VGLL3: variants seen among roughly 807,000 people sequenced by gnomAD.
VGLL3 encodes the protein vestigial like family member 3.
In VGLL3, 18 loss-of-function variants were observed where a neutral mutation model predicts 29.2. That is an observed-to-expected ratio of 0.62 (90% CI 0.43 to 0.91). The LOEUF is 0.91. VGLL3 is among the 40% of genes least tolerant of loss of function. The pLI, the probability that VGLL3 is intolerant of heterozygous loss-of-function variation, is 0.00. For missense variants in VGLL3, 440 were observed against 413.2 expected (o/e 1.06, Z -0.56); for synonymous variants, 180 against 151.8 (o/e 1.19, Z -1.36).
chr3:86,990,561 G>T (rs1575885289), intron 1 of VGLL3, 57 bp downstream of exon 1: 2 of 1,311,574 alleles, frequency 1.5e-6, no homozygotes, highest in East Asian at 2.8e-5. Context: ...GCCCCAGACC[G>T]ATACTCTCGA....
In VGLL3 at chr3:86,946,499, T is replaced by C. The variant is rs1294451029; in HGVS notation, c.*525A>G. The C allele has an allele frequency of 6.6e-6, 1 of 152,232 alleles. No individual in the cohort carries two copies. Among genetic ancestry groups the C allele is most frequent in the Non-Finnish European group, 1.5e-5 (1 of 68,106 alleles). The allele number at this position is 152,232 out of a possible 1,614,324, so 9.4% of individuals were successfully genotyped here. A position where few individuals can be genotyped will look rare whatever the true frequency, so the allele number is the denominator to read the frequency against. ...ATCTTAGAGATAAGCATTTTAAACATTTTTGCCAGTGCTTCTCTGAGAGCA... is the reference window on the plus strand; with the variant it reads ...ATCTTAGAGATAAGCATTTTAAACACTTTTGCCAGTGCTTCTCTGAGAGCA... On this transcript the variant is annotated 3_prime_UTR_variant, in exon 4 of 4. Transcript: ENST00000398399.
Position 86,943,399 on chromosome 3 carries a change from T to C in VGLL3, c.*3625A>G, listed in dbSNP as rs1303958283. 6.6e-6 allele frequency: 1 copy of C among 152,118 alleles called. No individual in the cohort carries two copies. The highest frequency in any genetic ancestry group is 1.5e-5 in the Non-Finnish European group (1 of 68,022). 9.4% of individuals were successfully genotyped at this position (152,118 alleles called of 1,614,324 possible). A position where few individuals can be genotyped will look rare whatever the true frequency, so the allele number is the denominator to read the frequency against. On this transcript the variant is annotated 3_prime_UTR_variant, in exon 4 of 4. Transcript: ENST00000398399. The stretch of plus-strand genomic sequence containing the variant: ...CCAGATAGCAAACTCAAAAGCTAGA[T>C]AGGGTGACATATTCTGCAAATCTTA...
At chr3:86,971,237 C>A (rs1225165165) in intron 2 of VGLL3, among the ~76,000 whole-genome samples, 1 of 152,196 alleles carries the variant, frequency 6.6e-6, no homozygotes, top group South Asian at 2.1e-4. Flanking sequence ...TCAACCACCA[C>A]ATATATCATT....
In VGLL3 at chr3:86,946,965, T is replaced by C. The variant is rs1373211147; in HGVS notation, c.*59A>G. ...TGCTGAATGGAAAAACCCGACAGTA[T>C]CTTTTCCCAGTGGGCCCTTGGATTT... is the stretch of plus-strand genomic sequence containing the variant. On this transcript the variant is annotated 3_prime_UTR_variant, in exon 4 of 4. Coordinates refer to ENST00000398399, the MANE Select transcript of VGLL3 (RefSeq NM_016206.4). The C allele has an allele frequency of 5.2e-6, 4 of 774,166 alleles. No individual in the cohort carries two copies. Among genetic ancestry groups the C allele is most frequent in the Non-Finnish European group, 9.6e-6 (4 of 414,866 alleles). The allele number at this position is 774,166 out of a possible 1,614,324, so 48.0% of individuals were successfully genotyped here.
chr3:86,963,641 C>T (rs945350538), intron 3 of VGLL3, among the ~76,000 whole-genome samples: 2 of 152,212 alleles, frequency 1.3e-5, no homozygotes, highest in Non-Finnish European at 1.5e-5. Context: ...TGTCCATCTT[C>T]TCTTACATAG....
intron 1 of VGLL3, among the ~76,000 whole-genome samples, chr3:86,988,640 CAAAAAAAAAAAAAAAA>C (rs869098443): frequency 2.5e-3 from 34 of 13,762 alleles, no homozygotes; most frequent in African/African-American, 3.4e-3. Flanking sequence ...TTTACTTGAC[CAAAAAAAAAAAAAAAA>C]AAAAAAAAAA....
At chr3:86,961,402 T>C (rs1704840204) in intron 3 of VGLL3, among the ~76,000 whole-genome samples, 1 of 152,180 alleles carries the variant, frequency 6.6e-6, no homozygotes, top group African/African-American at 2.4e-5. Flanking sequence ...AGGTAAATTA[T>C]TGGCAACAAC....
intron 3 of VGLL3, among the ~76,000 whole-genome samples, chr3:86,947,310 C>G (rs1037812604): frequency 2.0e-5 from 3 of 152,044 alleles, no homozygotes; most frequent in African/African-American, 4.8e-5. Context: ...TTATACAATA[C>G]AAATTATTTG....
rs1371575646 is a variant in VGLL3, at chr3:86,940,538, AT to A, written c.*6485del. On this transcript the variant is annotated 3_prime_UTR_variant, in exon 4 of 4. Transcript: ENST00000398399. ...AGATGTTGTAATTTCCAAAATATTT[AT>A]AAGATGCTTAATTGAATAAGGAGGA... 1 of 152,598 alleles carries A rather than the reference AT, an allele frequency of 6.6e-6. No homozygotes were observed. Among genetic ancestry groups the A allele is most frequent in the African/African-American group, 2.4e-5 (1 of 41,470 alleles). 9.5% of individuals were successfully genotyped at this position (152,598 alleles called of 1,614,324 possible). A position where few individuals can be genotyped will look rare whatever the true frequency, so the allele number is the denominator to read the frequency against.
chr3:86,958,183 A>G (rs1219695904), intron 3 of VGLL3, among the ~76,000 whole-genome samples: 1 of 152,124 alleles, frequency 6.6e-6, no homozygotes, highest in Non-Finnish European at 1.5e-5. Context: ...TGTTACTGCA[A>G]ACATTGTCAC....
chr3:86,990,502 A>G, intron 1 of VGLL3, 116 bp downstream of exon 1: 1 of 1,281,202 alleles, frequency 7.8e-7, no homozygotes, highest in Non-Finnish European at 9.9e-7. Flanking sequence ...ACGCTCCCGC[A>G]GATCCCAGAG....
intron 1 of VGLL3, among the ~76,000 whole-genome samples, chr3:86,989,076 C>T (rs1334019605): frequency 6.6e-6 from 1 of 151,990 alleles, no homozygotes. Flanking sequence ...ATGTTATTTT[C>T]TAGCTCAAAA....
chr3:86,988,291 C>T (rs1469791892), intron 1 of VGLL3, among the ~76,000 whole-genome samples: 2 of 152,074 alleles, frequency 1.3e-5, no homozygotes, highest in African/African-American at 4.8e-5. Context: ...GTAGCCCTTA[C>T]TTTTGTCTCC....
chr3:86,951,765 C>T (rs1704623329), intron 3 of VGLL3, among the ~76,000 whole-genome samples: 2 of 151,118 alleles, frequency 1.3e-5, no homozygotes, highest in Admixed American at 1.3e-4. Context: ...CCTATGTTCC[C>T]CATAATTGAT....
chr3:86,946,829 A>G lies in VGLL3; in HGVS notation c.*195T>C, dbSNP rs1164739805. On this transcript the variant is annotated 3_prime_UTR_variant, in exon 4 of 4. Transcript: ENST00000398399. ...GGCTCAGATGAGGAAATAAACAAAT[A>G]AAAATGCTTTTCTTCAATGTCTGGG... The G allele has an allele frequency of 3.9e-6, 2 of 515,262 alleles. No individual in the cohort carries two copies. Among genetic ancestry groups the G allele is most frequent in the African/African-American group, 3.9e-5 (2 of 51,570 alleles). 31.9% of individuals were successfully genotyped at this position (515,262 alleles called of 1,614,324 possible). A position where few individuals can be genotyped will look rare whatever the true frequency, so the allele number is the denominator to read the frequency against.
chr3:86,963,005 C>A, intron 3 of VGLL3: 1 of 241,328 alleles, frequency 4.1e-6, no homozygotes, highest in Non-Finnish European at 8.9e-6. Flanking sequence ...TGAGGCAGGA[C>A]AATTGGTTGA....
At chr3:86,963,447 A>G (rs1020651010) in intron 3 of VGLL3, among the ~76,000 whole-genome samples, 1 of 152,184 alleles carries the variant, frequency 6.6e-6, no homozygotes, top group African/African-American at 2.4e-5. Flanking sequence ...GAAAATTGGG[A>G]GTTATTCCTA....
chr3:86,978,804 T>G lies in VGLL3; in HGVS notation c.127-2A>C, dbSNP rs1313680273. 1 of 1,594,798 alleles carries G rather than the reference T, an allele frequency of 6.3e-7. No individual in the cohort carries two copies. Among genetic ancestry groups the G allele is most frequent in the Non-Finnish European group, 8.5e-7 (1 of 1,170,262 alleles). On this transcript the variant is annotated splice_acceptor_variant, in intron 1 of 3. Transcript: ENST00000398399. LOFTEE classifies it high-confidence loss of function. ...CTTGCTGAATACCGCTAACTTCTTC[T>G]GGGATGGAATAAACAAAACACAGTA...
intron 2 of VGLL3, among the ~76,000 whole-genome samples, chr3:86,971,750 TTC>T (rs1482394836): frequency 1.3e-5 from 2 of 152,180 alleles, no homozygotes; most frequent in Admixed American, 1.3e-4. Context: ...TGTAAAATAT[TTC>T]TGTCATACCC....
Sources: gnomAD v4.1 joint callset for allele counts (sites outside exome capture counted in the v4.1 genomes callset) on GRCh38, gnomAD v4.1.1 for gene constraint, MANE v1.5 for transcripts, NCBI Gene and HGNC (gene_info 2026-07-23, HGNC 2026-07-21) for gene names.